Variants in FHOD3 observed in about 807,000 individuals in gnomAD.
FHOD3 encodes FH1/FH2 domain-containing protein 3.
In FHOD3, 90 loss-of-function variants were observed where a neutral mutation model predicts 173.0. The ratio of observed to expected loss-of-function variants is 0.52; its 90% CI spans 0.44 to 0.62. The LOEUF (loss-of-function observed/expected upper bound fraction) is 0.62, where lower values mean the gene tolerates loss of function less well. Ranked by LOEUF, FHOD3 falls within the 20% of genes least tolerant of loss-of-function variation. FHOD3 has a pLI of 0.00. For synonymous variants in FHOD3, 828 were observed against 823.0 expected (o/e 1.01, Z -0.10); for missense variants, 1,945 against 2,034.7 (o/e 0.96, Z 0.85).
intron 10 of FHOD3, among the ~76,000 whole-genome samples, chr18:36,632,267 A>G (rs913964033): frequency 1.3e-5 from 2 of 152,222 alleles, no homozygotes; most frequent in Non-Finnish European, 2.9e-5. Flanking sequence ...AAAGTGAAAA[A>G]TGCCTCAGCA....
intron 19 of FHOD3, among the ~76,000 whole-genome samples, chr18:36,720,781 T>TCC (rs2040741713): frequency 2.1e-3 from 77 of 37,170 alleles, no homozygotes; most frequent in South Asian, 5.5e-3. Context: ...CCTCCTCCTC[T>TCC]TCCTCCTCCT....
At chr18:36,315,054 T>A (rs995234438) in intron 1 of FHOD3, among the ~76,000 whole-genome samples, 6 of 152,150 alleles carry the variant, frequency 3.9e-5, no homozygotes, top group African/African-American at 1.4e-4. Flanking sequence ...CAGAAAAGAA[T>A]AAAGCATGGG....
At chr18:36,437,017 G>C (rs1411743986) in intron 3 of FHOD3, among the ~76,000 whole-genome samples, 1 of 152,170 alleles carries the variant, frequency 6.6e-6, no homozygotes, top group African/African-American at 2.4e-5. Context: ...AAATAGATAA[G>C]TTAACAAGCA....
chr18:36,545,040 A>C (rs2057361748), intron 5 of FHOD3, among the ~76,000 whole-genome samples: 1 of 152,174 alleles, frequency 6.6e-6, no homozygotes, highest in African/African-American at 2.4e-5. Context: ...ATGCTTGTAG[A>C]TTAACTTCTT....
At chr18:36,495,729 A>T (rs1203554226) in intron 3 of FHOD3, among the ~76,000 whole-genome samples, 1 of 152,210 alleles carries the variant, frequency 6.6e-6, no homozygotes, top group African/African-American at 2.4e-5. Flanking sequence ...GATTGAAGTC[A>T]TATGTGCACA....
At chr18:36,490,327 C>T (rs1040003304) in intron 3 of FHOD3, among the ~76,000 whole-genome samples, 3 of 152,012 alleles carry the variant, frequency 2.0e-5, no homozygotes, top group African/African-American at 7.2e-5. Context: ...TTGCTGGGGC[C>T]CCAAAGCTGA....
intron 3 of FHOD3, among the ~76,000 whole-genome samples, chr18:36,411,507 C>G (rs1328404824): frequency 6.6e-6 from 1 of 152,204 alleles, no homozygotes; most frequent in Non-Finnish European, 1.5e-5. Context: ...ACAATAAAAT[C>G]TGGCCTCTAA....
At chr18:36,497,787 C>T (rs989916997) in intron 3 of FHOD3, among the ~76,000 whole-genome samples, 1 of 152,144 alleles carries the variant, frequency 6.6e-6, no homozygotes, top group Non-Finnish European at 1.5e-5. Context: ...TCACACTAAT[C>T]TATAGAACAA....
In FHOD3 at chr18:36,297,734, A is replaced by G. The variant is rs1223712529; in HGVS notation, c.-102A>G. On this transcript the variant is annotated 5_prime_UTR_variant, in exon 1 of 29. Coordinates refer to ENST00000590592, the MANE Select transcript of FHOD3 (RefSeq NM_001281740.3). ...GCCTGAGCCTGCGAGTCCGCGAGCC[A>G]GCGAGCTGCGGCTGCGGCCTCCCCT... The G allele has an allele frequency of 1.1e-6, 1 of 923,760 alleles. No homozygotes were observed. Among genetic ancestry groups the G allele is most frequent in the African/African-American group, 1.8e-5 (1 of 54,880 alleles). 57.2% of individuals were successfully genotyped at this position (923,760 alleles called of 1,614,324 possible). A position where few individuals can be genotyped will look rare whatever the true frequency, so the allele number is the denominator to read the frequency against.
rs1598816216 is a variant in FHOD3 at position 36,355,163 on chromosome 18, C to T, written c.166-376C>T. On this transcript the variant is annotated intron_variant, in intron 1 of 28. Transcript: ENST00000590592. The stretch of plus-strand genomic sequence containing the variant: ...AGCATATTTTCCCCACCAAATTTGC[C>T]TTTTAAGCCCTGTGACTCAATCCAT... Among the ~76,000 whole-genome samples the T allele has an allele frequency of 3.3e-5, 5 of 152,270 alleles. 1 individual carries two copies. Among genetic ancestry groups the T allele is most frequent in the Admixed American group, 3.3e-4 (5 of 15,294 alleles).
Position 36,717,864 on chromosome 18 carries a change from G to T in FHOD3, c.2566G>T (p.Val856Leu). Reference sequence around the variant, plus strand: ...GCCCGCAGGTGTCCAGGATGCAGGTGTAAATGGACAGTGTGGCGACATCCT... The same window carrying T: ...GCCCGCAGGTGTCCAGGATGCAGGTTTAAATGGACAGTGTGGCGACATCCT... ...LWPAGVQDAG[V>L]NGQCGDILTN... is the part of the protein sequence containing the mutation. The change falls in exon 19 of 29, where the codon GTA becomes TTA. Residue 856 changes from valine to leucine, a missense_variant. Physicochemically the swap from Val to Leu is conservative, Grantham distance 32. This residue lies in a region of FHOD3 where 1,099 missense variants were observed against 1,051.2 expected (regional missense o/e 1.05). Transcript: ENST00000590592. 6.2e-7 allele frequency: 1 copy of T among 1,602,672 alleles called. No homozygotes were observed. Among genetic ancestry groups the T allele is most frequent in the Non-Finnish European group, 8.5e-7 (1 of 1,173,842 alleles).
chr18:36,462,307 G>A (rs1350860350), intron 3 of FHOD3, among the ~76,000 whole-genome samples: 2 of 151,680 alleles, frequency 1.3e-5, no homozygotes, highest in Non-Finnish European at 1.5e-5. Context: ...GTGTGTGTGT[G>A]TTTGTTTTGT....
Position 36,358,866 on chromosome 18 carries a change from C to T in FHOD3, c.272+3221C>T, listed in dbSNP as rs1450675697. On this transcript the variant is annotated intron_variant, in intron 2 of 28. Coordinates refer to ENST00000590592, the MANE Select transcript of FHOD3 (RefSeq NM_001281740.3). ...CAGGCTGGTCTGGAACTCCTGGACT[C>T]AAAACAATCCTCCTGTCTTAGCCTC... Among the ~76,000 whole-genome samples, 4 of 151,984 alleles carry T rather than the reference C, an allele frequency of 2.6e-5. No individual in the cohort carries two copies. In the South Asian group the frequency reaches 6.2e-4, roughly 24 times the overall value.
intron 1 of FHOD3, among the ~76,000 whole-genome samples, chr18:36,309,308 G>A (rs2092189664): frequency 6.8e-6 from 1 of 146,122 alleles, no homozygotes; most frequent in Admixed American, 6.7e-5. Flanking sequence ...GGTCCCTGAG[G>A]CAAGTGTGGC....
chr18:36,461,698 T>C (rs1201964287), intron 3 of FHOD3, among the ~76,000 whole-genome samples: 1 of 152,196 alleles, frequency 6.6e-6, no homozygotes, highest in East Asian at 1.9e-4. Flanking sequence ...GAAATTTCTT[T>C]TCAAGTTCAA....
chr18:36,443,727 T>C (rs959832722), intron 3 of FHOD3, among the ~76,000 whole-genome samples: 5 of 152,178 alleles, frequency 3.3e-5, no homozygotes, highest in African/African-American at 1.2e-4. Flanking sequence ...AGCTAGGAAA[T>C]ACAGCTATAT....
At chr18:36,717,257 A>G (rs1038409210) in intron 18 of FHOD3, among the ~76,000 whole-genome samples, 2 of 152,142 alleles carry the variant, frequency 1.3e-5, no homozygotes, top group Non-Finnish European at 2.9e-5. Context: ...GGCTATGGAA[A>G]GTCACCTTGG....
intron 2 of FHOD3, among the ~76,000 whole-genome samples, chr18:36,364,285 G>A (rs1202028691): frequency 6.6e-6 from 1 of 152,102 alleles, no homozygotes; most frequent in East Asian, 1.9e-4. Flanking sequence ...CTGTAAAATA[G>A]CTATAGCATC....
chr18:36,755,031 C>T (rs1193003609), intron 24 of FHOD3, 88 bp from the exon 25 acceptor site: 1 of 438,266 alleles, frequency 2.3e-6, no homozygotes, highest in Non-Finnish European at 3.8e-6. Context: ...TTTAAGTTCT[C>T]ACATTGGTTT....
Sources: allele counts gnomAD v4.1 joint callset (sites outside exome capture counted in the v4.1 genomes callset), GRCh38; gene constraint gnomAD v4.1.1; regional missense constraint gnomAD v4.1.1; transcripts MANE v1.5; gene names NCBI Gene and HGNC (gene_info 2026-07-23, HGNC 2026-07-21).